NOC3L: variants seen among roughly 807,000 people sequenced by gnomAD.
NOC3L encodes NOC3 like DNA replication regulator.
Under a neutral mutation model 102.5 loss-of-function variants are expected in NOC3L, and 85 were observed. The ratio of observed to expected loss-of-function variants is 0.83; its 90% CI spans 0.70 to 0.99. NOC3L has a LOEUF of 0.99. NOC3L is among the 50% of genes least tolerant of loss of function. The probability of loss-of-function intolerance (pLI) is 0.00; values close to 1 mark genes in which losing one functional copy is unlikely to be tolerated. For missense variants in NOC3L, 878 were observed against 914.9 expected, an observed-to-expected ratio of 0.96 and a Z score of 0.52; for synonymous variants, 303 against 309.4, an observed-to-expected ratio of 0.98 and a Z score of 0.22.
At chr10:94,350,318 C>T in intron 8 of NOC3L, 30 bp from the exon 9 acceptor site, 1 of 1,597,568 alleles carries the variant, frequency 6.3e-7, no homozygotes, top group East Asian at 2.2e-5. Flanking sequence ...AGTTACTTTA[C>T]TCATTGGTCA....
Position 94,360,320 on chromosome 10 carries a change from A to AAAT in NOC3L, c.217+1342_217+1344dup, listed in dbSNP as rs559843588. The stretch of plus-strand genomic sequence containing the variant: ...ACAGAGAGAGACTCCATCTCAAAAA[A>AAAT]AATAATAATAATAATAATAAAAGAA... On this transcript the variant is annotated intron_variant, in intron 2 of 20. Coordinates refer to ENST00000371361, the MANE Select transcript of NOC3L (RefSeq NM_022451.11). Among the ~76,000 whole-genome samples the AAAT allele has an allele frequency of 2.5e-3, 378 of 152,096 alleles. 4 individuals carry two copies. The highest frequency in any genetic ancestry group is 8.6e-3 in the African/African-American group (358 of 41,518).
the NOC3L span, among the ~76,000 whole-genome samples, chr10:94,317,835 T>C: frequency 6.6e-6 from 1 of 152,214 alleles, no homozygotes; most frequent in Non-Finnish European, 1.5e-5. Context: ...GACATGTTGA[T>C]AGTCAAGCAG....
chr10:94,344,174 A>G (rs1255492499), intron 13 of NOC3L, among the ~76,000 whole-genome samples: 1 of 152,234 alleles, frequency 6.6e-6, no homozygotes, highest in Non-Finnish European at 1.5e-5. Context: ...TAACCTTAGG[A>G]ACACCTAGAA....
At chr10:94,319,864 C>CTTTTTTTTT in the NOC3L span, among the ~76,000 whole-genome samples, 87 of 92,926 alleles carry the variant, frequency 9.4e-4, 4 homozygotes, top group Non-Finnish European at 1.1e-3. Context: ...CAAAGGTGCT[C>CTTTTTTTTT]TTTTTTTTTT....
chr10:94,361,561 T>C (rs1187867207), intron 2 of NOC3L, 104 bp downstream of exon 2: 2 of 1,060,834 alleles, frequency 1.9e-6, no homozygotes, highest in East Asian at 2.4e-5. Context: ...TCTAGGAAGA[T>C]CTGAGAACAA....
At chr10:94,360,252 G>A (rs1382759964) in intron 2 of NOC3L, among the ~76,000 whole-genome samples, 1 of 152,104 alleles carries the variant, frequency 6.6e-6, no homozygotes, top group Non-Finnish European at 1.5e-5. Flanking sequence ...GGAGTCGGGG[G>A]TTGCAGTGAG....
At chr10:94,322,083 C>T in the NOC3L span, 1 of 1,608,248 alleles carries the variant, frequency 6.2e-7, no homozygotes, top group Non-Finnish European at 8.5e-7. Context: ...CCTTCCTCAC[C>T]TGAGTCCTTT....
chr10:94,334,856 T>C, intron 19 of NOC3L, 138 bp from the exon 20 acceptor site: 1 of 638,574 alleles, frequency 1.6e-6, no homozygotes, highest in Non-Finnish European at 2.7e-6. Context: ...ACCAATCCAG[T>C]CACTTAACAA....
rs1279612153 is a variant in NOC3L at position 94,362,882 on chromosome 10, G to A, written c.-44C>T. 2 of 1,613,806 alleles carry A rather than the reference G, an allele frequency of 1.2e-6. No individual in the cohort carries two copies. Among genetic ancestry groups the A allele is most frequent in the East Asian group, 2.2e-5 (1 of 44,880 alleles). ...TGCCGGCCAGACAAGTTCACCAGAA[G>A]CAGGGTTACTACAGAAATCCCGGGG... On this transcript the variant is annotated 5_prime_UTR_variant, in exon 1 of 21. Transcript: ENST00000371361.
the NOC3L span, chr10:94,327,860 C>T: frequency 2.8e-3 from 1,030 of 374,542 alleles, 3 homozygotes; most frequent in Non-Finnish European, 4.0e-3. Context: ...TTCCCCAAAC[C>T]TAGCCACTAG....
chr10:94,350,551 T>C (rs1301850844), intron 8 of NOC3L, among the ~76,000 whole-genome samples: 4 of 138,404 alleles, frequency 2.9e-5, no homozygotes, highest in South Asian at 2.3e-4. Flanking sequence ...TCTACTAACA[T>C]AAAAAAAAAA....
intron 11 of NOC3L, 147 bp from the exon 12 acceptor site, chr10:94,345,080 G>A: frequency 1.8e-6 from 1 of 567,526 alleles, no homozygotes; most frequent in Non-Finnish European, 3.0e-6. Context: ...GAGAAACATG[G>A]ACGGGAAGTA....
At chr10:94,334,828 A>C in intron 19 of NOC3L, 110 bp from the exon 20 acceptor site, 1 of 785,564 alleles carries the variant, frequency 1.3e-6, no homozygotes, top group South Asian at 1.8e-5. Context: ...ATTAAGGTAT[A>C]AGATTTGAAA....
chr10:94,357,107 G>GAA, intron 4 of NOC3L, 67 bp downstream of exon 4: 5 of 1,157,934 alleles, frequency 4.3e-6, no homozygotes, highest in Non-Finnish European at 5.8e-6. Context: ...AATTTTGAGT[G>GAA]AAAAAAAAAC....
chr10:94,360,177 G>A (rs2054536253), intron 2 of NOC3L, among the ~76,000 whole-genome samples: 1 of 152,178 alleles, frequency 6.6e-6, no homozygotes, highest in African/African-American at 2.4e-5. Flanking sequence ...TCAGCCAGAT[G>A]TGGTGGTGTG....
At chr10:94,346,814 A>T in intron 10 of NOC3L, among the ~76,000 whole-genome samples, 1 of 152,194 alleles carries the variant, frequency 6.6e-6, no homozygotes, top group East Asian at 1.9e-4. Context: ...TTGCAGTTTA[A>T]TGAGTATAAG....
In NOC3L at chr10:94,361,331, C is replaced by A. The variant is rs573814555; in HGVS notation, c.217+334G>T. The A allele has an allele frequency of 1.2e-3, 320 of 267,666 alleles. 9 individuals are homozygous for A. In the South Asian group the frequency reaches 0.02, roughly 16 times the overall value. The allele number at this position is 267,666 out of a possible 1,614,324, so 16.6% of individuals were successfully genotyped here. On this transcript the variant is annotated intron_variant, in intron 2 of 20. Transcript: ENST00000371361. ...GCAATGTTCTTACCTTACCTAACTG[C>A]TGGTGAATGGCAAAGTGGCAGCACT... is the stretch of plus-strand genomic sequence containing the variant.
the NOC3L span, chr10:94,324,586 T>G: frequency 6.3e-7 from 1 of 1,588,626 alleles, no homozygotes; most frequent in Non-Finnish European, 8.6e-7. Context: ...TAAAGTTATT[T>G]TGCTCTGTTC....
At chr10:94,342,507 A>C (rs2054297024) in intron 13 of NOC3L, among the ~76,000 whole-genome samples, 1 of 151,678 alleles carries the variant, frequency 6.6e-6, no homozygotes, top group African/African-American at 2.4e-5. Context: ...ATTTAAAATG[A>C]GCATACCCTT....
Sources: allele counts gnomAD v4.1 joint callset (sites outside exome capture counted in the v4.1 genomes callset), GRCh38; gene constraint gnomAD v4.1.1; transcripts MANE v1.5; gene names NCBI Gene and HGNC (gene_info 2026-07-23, HGNC 2026-07-21).